MICAL3: variants seen among roughly 807,000 people sequenced by gnomAD.
The protein encoded by MICAL3 is microtubule associated monooxygenase, calponin and LIM domain containing 3.
MICAL3 carries 62 observed loss-of-function variants against 207.4 expected under a neutral mutation model. The ratio of observed to expected loss-of-function variants is 0.30; its 90% CI spans 0.24 to 0.37. MICAL3 has a LOEUF of 0.37. Among genes scored for constraint, MICAL3 ranks in the 10% least tolerant of loss-of-function variants. The pLI is 1.00. For synonymous variants in MICAL3, 1,077 were observed against 1,069.3 expected (o/e 1.01, Z -0.14); for missense variants, 2,368 against 2,635.6 (o/e 0.90, Z 2.22).
In MICAL3 at chr22:17,886,011, AG is replaced by A; in HGVS notation, c.2107del (p.Leu703TrpfsTer2). 6.2e-7 allele frequency: 1 copy of A among 1,614,022 alleles called. No homozygotes were observed. On this transcript the variant is annotated frameshift_variant, in exon 16 of 32. Coordinates refer to ENST00000441493, the MANE Select transcript of MICAL3 (RefSeq NM_015241.3). LOFTEE classifies it high-confidence loss of function. ...CCTCCTGTCTGTCAGAGTGCTCACC[AG>A]GGTCGGTCTTTCTCCTCTGTGGCCC... is the stretch of plus-strand genomic sequence containing the variant. ...PRGHRGERPT[L>X]VSTLTDRRMD...
In MICAL3 at chr22:17,818,528, T is replaced by C. The variant is rs774523937; in HGVS notation, c.4133A>G (p.His1378Arg). 1 of 1,613,078 alleles carries C rather than the reference T, an allele frequency of 6.2e-7. No homozygotes were observed. Among genetic ancestry groups the C allele is most frequent in the Non-Finnish European group, 8.5e-7 (1 of 1,179,840 alleles). ...VEKSPQDEGL[H>R]LLKPLSIPKR... is the part of the protein sequence containing the mutation. ...GGGGATGGACAGAGGCTTGAGAAGG[T>C]GGAGTCCCTCATCCTGGGGGGACTT... Residue 1378 changes from histidine (H) to arginine (R), a missense_variant, in exon 26 of 32, where the codon CAC (histidine) becomes CGC (arginine). His to Arg is a conservative substitution (Grantham distance 29). This residue lies in a region of MICAL3 where 1,770 missense variants were observed against 1,863.2 expected (regional missense o/e 0.95). Coordinates refer to ENST00000441493, the MANE Select transcript of MICAL3 (RefSeq NM_015241.3).
chr22:17,975,942 C>T (rs946122349), intron 1 of MICAL3, among the ~76,000 whole-genome samples: 5 of 151,982 alleles, frequency 3.3e-5, no homozygotes, highest in Non-Finnish European at 7.4e-5. Flanking sequence ...TCCCACTACT[C>T]AGGAGGCTGA....
chr22:17,872,090 G>T, intron 16 of MICAL3, 67 bp from the exon 17 acceptor site: 1 of 1,404,858 alleles, frequency 7.1e-7, no homozygotes, highest in Non-Finnish European at 9.7e-7. Context: ...CCTCCTAGAG[G>T]CACAGCCTTG....
At chr22:17,951,378 C>G (rs9306202) in intron 1 of MICAL3, among the ~76,000 whole-genome samples, 15,085 of 151,944 alleles carry the variant, frequency 0.099, 1,619 homozygotes, top group African/African-American at 0.27. Context: ...TTACTATTGT[C>G]GGTGAAATTC....
At chr22:17,982,721 T>TAACATAACATAACATAACATAACA (rs1569156771) in intron 1 of MICAL3, among the ~76,000 whole-genome samples, 42 of 125,562 alleles carry the variant, frequency 3.3e-4, no homozygotes, top group African/African-American at 1.3e-3. Flanking sequence ...ATAACAAACA[T>TAACATAACATAACATAACATAACA]AACATAACAT....
intron 1 of MICAL3, among the ~76,000 whole-genome samples, chr22:17,907,575 G>A (rs1461010890): frequency 1.3e-5 from 2 of 152,136 alleles, no homozygotes; most frequent in Admixed American, 6.6e-5. Flanking sequence ...TTTGGGAGTC[G>A]CTGGCACACG....
At chr22:17,996,718 A>G (rs915615859) in intron 1 of MICAL3, among the ~76,000 whole-genome samples, 2 of 152,210 alleles carry the variant, frequency 1.3e-5, no homozygotes, top group Admixed American at 6.5e-5. Context: ...GCGTGGCTGG[A>G]GAGAGGGGGA....
chr22:17,950,166 AT>A (rs10657913), intron 1 of MICAL3, among the ~76,000 whole-genome samples: 80 of 143,756 alleles, frequency 5.6e-4, no homozygotes, highest in East Asian at 8.0e-4. Context: ...ACAGCTGTCT[AT>A]TTTTTTTTTT....
chr22:17,920,398 T>G (rs1349703930), intron 1 of MICAL3, among the ~76,000 whole-genome samples: 1 of 151,662 alleles, frequency 6.6e-6, no homozygotes, highest in African/African-American at 2.4e-5. Context: ...ATCTTTTCAC[T>G]CCCTCTCCAA....
chr22:17,891,146 G>T (rs539762060), intron 12 of MICAL3, among the ~76,000 whole-genome samples: 1 of 152,116 alleles, frequency 6.6e-6, no homozygotes, highest in African/African-American at 2.4e-5. Flanking sequence ...GAGTTCAACC[G>T]GGGCCAATAA....
intron 1 of MICAL3, among the ~76,000 whole-genome samples, chr22:17,929,568 C>CT (rs67222681): frequency 0.27 from 29,453 of 107,558 alleles, 5,427 homozygotes; most frequent in African/African-American, 0.39. Context: ...CTTTTCTTTT[C>CT]TTTTTTTTTT....
At chr22:17,882,576 G>A (rs1043074516) in intron 16 of MICAL3, among the ~76,000 whole-genome samples, 7 of 152,206 alleles carry the variant, frequency 4.6e-5, no homozygotes, top group African/African-American at 1.2e-4. Flanking sequence ...CCAAATGCAT[G>A]ATTTAGAGCT....
intron 29 of MICAL3, among the ~76,000 whole-genome samples, chr22:17,798,673 C>CT (rs375673869): frequency 0.019 from 2,433 of 130,606 alleles, 88 homozygotes; most frequent in African/African-American, 0.051. Flanking sequence ...GGAGCAATGC[C>CT]TTTTTTTTTT....
intron 29 of MICAL3, among the ~76,000 whole-genome samples, chr22:17,803,261 G>A (rs182988143): frequency 6.4e-4 from 97 of 152,246 alleles, no homozygotes; most frequent in African/African-American, 2.3e-3. Context: ...AGGGAGGGAC[G>A]TTGTTATGGG....
intron 1 of MICAL3, among the ~76,000 whole-genome samples, chr22:17,928,564 T>A (rs1457861107): frequency 1.3e-5 from 2 of 152,188 alleles, no homozygotes; most frequent in African/African-American, 4.8e-5. Context: ...GTGATTCACA[T>A]GTGCAAGGAG....
intron 16 of MICAL3, chr22:17,875,553 G>A (rs1928216393): frequency 6.5e-7 from 1 of 1,544,272 alleles, no homozygotes; most frequent in African/African-American, 1.4e-5. Context: ...TTCAGGCTCT[G>A]GCTATAAAAT....
Position 17,886,527 on chromosome 22 carries a change from G to A in MICAL3, c.2068-476C>T, listed in dbSNP as rs1205255127. On this transcript the variant is annotated intron_variant, in intron 15 of 31. Coordinates refer to ENST00000441493, the MANE Select transcript of MICAL3 (RefSeq NM_015241.3). ...ACTAAAAAATTAGAACAATTTGGCC[G>A]GGTGTGGTGGCTCATGCCTATAATC... Among the ~76,000 whole-genome samples, 11 of 152,016 alleles carry A rather than the reference G, an allele frequency of 7.2e-5. No individual in the cohort carries two copies. In the South Asian group the frequency reaches 1.7e-3, roughly 23 times the overall value.
At position 17,818,480 on chromosome 22, in the gene MICAL3, G is replaced by C. The variant is rs771895699; in HGVS notation, c.4181C>G (p.Pro1394Arg). ...TGGCAGGGACAACGGCTCGCCTTCC[G>C]GCTTTGGCAGGCCCAGCCTTTTGGG... ...SIPKRLGLPK[P>R]EGEPLSLPTP... is the part of the protein sequence containing the mutation. Residue 1394 changes from proline (P) to arginine (R), a missense_variant, in exon 26 of 32, where the codon CCG (proline) becomes CGG (arginine). By Grantham distance (103) the Pro-to-Arg change is moderately radical. Around this residue, in one of 4 missense-constraint regions of MICAL3, gnomAD observed 1,770 missense variants for 1,863.2 expected, o/e 0.95. Transcript: ENST00000441493. The C allele has an allele frequency of 6.2e-7, 1 of 1,612,850 alleles. No homozygotes were observed. Among genetic ancestry groups the C allele is most frequent in the South Asian group, 1.1e-5 (1 of 91,086 alleles).
At chr22:17,920,800 C>A (rs1056292265) in intron 1 of MICAL3, among the ~76,000 whole-genome samples, 1 of 152,186 alleles carries the variant, frequency 6.6e-6, no homozygotes, top group African/African-American at 2.4e-5. Flanking sequence ...TCTCTGTTCT[C>A]CACTCCTCAA....
Sources: gnomAD v4.1 joint callset for allele counts (sites outside exome capture counted in the v4.1 genomes callset) on GRCh38, gnomAD v4.1.1 for gene constraint, gnomAD v4.1.1 regional missense constraint, MANE v1.5 for transcripts, NCBI Gene and HGNC (gene_info 2026-07-23, HGNC 2026-07-21) for gene names.